KCNIP4: variants seen among roughly 807,000 people sequenced by gnomAD.
KCNIP4 encodes the protein Kv channel-interacting protein 4.
A neutral mutation model predicts 34.0 loss-of-function variants in KCNIP4; 12 were observed. That is an observed-to-expected ratio of 0.35 (90% confidence interval 0.23 to 0.57). The LOEUF is 0.57. Ranked by LOEUF, KCNIP4 falls within the 20% of genes least tolerant of loss-of-function variation. KCNIP4 has a pLI of 0.83. For synonymous variants in KCNIP4, 124 were observed against 102.2 expected (o/e 1.21, Z -1.29); for missense variants, 238 against 311.7 (o/e 0.76, Z 1.78).
Position 21,636,573 on chromosome 4 carries a change from T to C in KCNIP4, c.61+311998A>G, listed in dbSNP as rs115659129. ...TTTTTTCCTGCTGTGTGGCAGACAA[T>C]GAAGTGTAATACTGACATTCTCTCT... On this transcript the variant is annotated intron_variant, in intron 1 of 8. Transcript: ENST00000382152. 2.1e-3 allele frequency among the ~76,000 whole-genome samples: 319 copies of C among 152,256 alleles called. 2 individuals carry two copies. Among genetic ancestry groups the C allele is most frequent in the African/African-American group, 7.3e-3 (302 of 41,566 alleles).
chr4:20,871,444 T>C (rs766144058), intron 2 of KCNIP4, among the ~76,000 whole-genome samples: 18 of 151,814 alleles, frequency 1.2e-4, no homozygotes, highest in Non-Finnish European at 1.9e-4. Flanking sequence ...CTTTCTTTTA[T>C]GGAATGAAGG....
intron 2 of KCNIP4, among the ~76,000 whole-genome samples, chr4:20,873,165 A>T (rs1161552954): frequency 6.6e-6 from 1 of 152,172 alleles, no homozygotes; most frequent in Admixed American, 6.5e-5. Flanking sequence ...TCTTGTAGGC[A>T]GGGCAGTCTA....
chr4:21,629,764 T>C (rs1477873772), intron 1 of KCNIP4, among the ~76,000 whole-genome samples: 1 of 151,986 alleles, frequency 6.6e-6, no homozygotes, highest in Non-Finnish European at 1.5e-5. Flanking sequence ...TTCGGCACAG[T>C]GTACGCTCTA....
At chr4:20,982,988 T>TA (rs1736226006) in intron 1 of KCNIP4, among the ~76,000 whole-genome samples, 1 of 152,224 alleles carries the variant, frequency 6.6e-6, no homozygotes, top group African/African-American at 2.4e-5. Context: ...TCAAATGATT[T>TA]AGGTTTAAAT....
intron 1 of KCNIP4, among the ~76,000 whole-genome samples, chr4:21,062,606 A>C: frequency 6.6e-6 from 1 of 151,710 alleles, no homozygotes; most frequent in East Asian, 1.9e-4. Flanking sequence ...AGTCAAACAA[A>C]TTGCAAGATC....
intron 1 of KCNIP4, among the ~76,000 whole-genome samples, chr4:21,516,552 G>C (rs1265617118): frequency 1.3e-5 from 2 of 152,024 alleles, no homozygotes; most frequent in Non-Finnish European, 2.9e-5. Context: ...CAATATTTAG[G>C]GTACTTATAA....
intron 3 of KCNIP4, among the ~76,000 whole-genome samples, chr4:20,788,879 AAGG>A (rs1276058055): frequency 6.6e-6 from 1 of 152,272 alleles, no homozygotes; most frequent in South Asian, 2.1e-4. Context: ...AGTGAGGAGG[AAGG>A]AGGAGTTGAT....
chr4:21,368,237 T>TACACAC lies in KCNIP4; in HGVS notation c.62-485534_62-485529dup, dbSNP rs71189694. On this transcript the variant is annotated intron_variant, in intron 1 of 8. Coordinates refer to ENST00000382152, the MANE Select transcript of KCNIP4 (RefSeq NM_025221.6). The stretch of plus-strand genomic sequence containing the variant: ...GAATGACTAGAATTTAAGAAGCTGT[T>TACACAC]ACACACACACACACACACACAATAA... Among the ~76,000 whole-genome samples the TACACAC allele has an allele frequency of 2.8e-5, 4 of 143,628 alleles. 1 individual carries two copies. The highest frequency in any genetic ancestry group is 8.7e-5 in the African/African-American group (3 of 34,522). The allele number at this position is 143,628 out of a possible 152,430, so 94.2% of individuals were successfully genotyped here. A position where few individuals can be genotyped will look rare whatever the true frequency, so the allele number is the denominator to read the frequency against.
intron 3 of KCNIP4, among the ~76,000 whole-genome samples, chr4:20,759,976 A>G (rs1470363371): frequency 6.6e-6 from 1 of 152,166 alleles, no homozygotes; most frequent in African/African-American, 2.4e-5. Context: ...TGCAGATAAG[A>G]GAAGTTGGTC....
In KCNIP4 at chr4:21,453,745, T is replaced by C. The variant is rs944396905; in HGVS notation, c.61+494826A>G. ...TGCCTTATAGTGTTTGATTTTCTGG[T>C]GGCAAGTTATGTCTTCTTAAATTGC... On this transcript the variant is annotated intron_variant, in intron 1 of 8. Coordinates refer to ENST00000382152, the MANE Select transcript of KCNIP4 (RefSeq NM_025221.6). 6.6e-5 allele frequency among the ~76,000 whole-genome samples: 10 copies of C among 152,106 alleles called. 1 individual carries two copies. Among genetic ancestry groups the C allele is most frequent in the African/African-American group, 2.4e-4 (10 of 41,398 alleles).
At chr4:21,762,450 C>A (rs1718122616) in intron 1 of KCNIP4, among the ~76,000 whole-genome samples, 1 of 152,070 alleles carries the variant, frequency 6.6e-6, no homozygotes, top group Non-Finnish European at 1.5e-5. Flanking sequence ...TTCTTATGTG[C>A]AAGTTTCCTT....
At chr4:21,417,579 T>C (rs1222865536) in intron 1 of KCNIP4, among the ~76,000 whole-genome samples, 5 of 152,106 alleles carry the variant, frequency 3.3e-5, no homozygotes, top group Non-Finnish European at 5.9e-5. Context: ...CATGATCTCC[T>C]GGAGAGACTC....
intron 1 of KCNIP4, among the ~76,000 whole-genome samples, chr4:21,217,377 G>T (rs544730057): frequency 6.6e-6 from 1 of 152,146 alleles, no homozygotes; most frequent in African/African-American, 2.4e-5. Flanking sequence ...AGGGATTGGT[G>T]TTGGGAGGAG....
At chr4:21,902,681 G>A (rs571593834) in intron 1 of KCNIP4, among the ~76,000 whole-genome samples, 8 of 152,154 alleles carry the variant, frequency 5.3e-5, no homozygotes, top group African/African-American at 1.4e-4. Flanking sequence ...GTGAACAAGC[G>A]GGAGAATGGT....
At chr4:21,559,390 T>C (rs1739336105) in intron 1 of KCNIP4, among the ~76,000 whole-genome samples, 2 of 152,170 alleles carry the variant, frequency 1.3e-5, no homozygotes, top group Non-Finnish European at 2.9e-5. Context: ...CCCCCATTTG[T>C]CAAGCTCTGT....
At chr4:21,882,142 T>C (rs1392795514) in intron 1 of KCNIP4, among the ~76,000 whole-genome samples, 1 of 152,138 alleles carries the variant, frequency 6.6e-6, no homozygotes, top group Non-Finnish European at 1.5e-5. Flanking sequence ...TACCTCCTCT[T>C]TCTGGAATTA....
At chr4:20,930,622 C>T (rs1730361356) in intron 1 of KCNIP4, among the ~76,000 whole-genome samples, 1 of 151,990 alleles carries the variant, frequency 6.6e-6, no homozygotes, top group Non-Finnish European at 1.5e-5. Flanking sequence ...TCCTAAGAGG[C>T]TAATATTCAA....
At chr4:21,303,738 A>C in intron 1 of KCNIP4, 1 of 1,270,766 alleles carries the variant, frequency 7.9e-7, no homozygotes, top group Non-Finnish European at 1.1e-6. Context: ...GGTGCCTCTT[A>C]CATTCACCTA....
intron 1 of KCNIP4, among the ~76,000 whole-genome samples, chr4:21,676,898 T>G (rs1749951317): frequency 6.6e-6 from 1 of 152,012 alleles, no homozygotes; most frequent in African/African-American, 2.4e-5. Context: ...AAATAAAGGT[T>G]TTTTAAAGGA....
Sources: allele counts gnomAD v4.1 joint callset (sites outside exome capture counted in the v4.1 genomes callset), GRCh38; gene constraint gnomAD v4.1.1; transcripts MANE v1.5; gene names NCBI Gene and HGNC (gene_info 2026-07-23, HGNC 2026-07-21).